LAMC3: variants seen among roughly 807,000 people sequenced by gnomAD.
LAMC3 encodes the protein laminin subunit gamma 3.
In LAMC3, 128 loss-of-function variants were observed where a neutral mutation model predicts 173.8. The ratio of observed to expected loss-of-function variants is 0.74; its 90% CI spans 0.64 to 0.85. The LOEUF (loss-of-function observed/expected upper bound fraction) is 0.85, where lower values mean the gene tolerates loss of function less well. LAMC3 is among the 40% of genes least tolerant of loss of function. The pLI, the probability that LAMC3 is intolerant of heterozygous loss-of-function variation, is 0.00. For synonymous variants in LAMC3, 897 were observed against 909.1 expected (o/e 0.99, Z 0.24); for missense variants, 2,022 against 2,156.0 (o/e 0.94, Z 1.23).
chr9:131,077,979 T>C (rs929933328), intron 22 of LAMC3, among the ~76,000 whole-genome samples: 1 of 152,138 alleles, frequency 6.6e-6, no homozygotes, highest in Non-Finnish European at 1.5e-5. Flanking sequence ...GGCCAAGGAC[T>C]TTCCCTTCCT....
At chr9:131,067,564 C>T (rs1186706416) in intron 14 of LAMC3, among the ~76,000 whole-genome samples, 4 of 152,216 alleles carry the variant, frequency 2.6e-5, no homozygotes, top group African/African-American at 9.6e-5. Context: ...ACACTCAGCC[C>T]CTGGGAGGCT....
chr9:131,009,274 G>A lies in LAMC3; in HGVS notation c.60G>A (p.Ala20=). The change falls in exon 1 of 28, where the codon GCG becomes GCA. Residue 20 remains alanine (A), a synonymous_variant. Transcript: ENST00000361069. The surrounding 1 kb of genome is among the most constrained non-coding windows in gnomAD (Gnocchi z 4.3). The part of the protein sequence containing the change: ...LALLAPRAAG[A]GMGACYDGAG... ...TGCTGGCACCGCGGGCGGCCGGCGC[G>A]GGCATGGGCGCGTGCTATGACGGCG... 7.5e-7 allele frequency: 1 copy of A among 1,336,126 alleles called. No homozygotes were observed. The highest frequency in any genetic ancestry group is 9.5e-7 in the Non-Finnish European group (1 of 1,049,006). The allele number at this position is 1,336,126 out of a possible 1,614,324, so 82.8% of individuals were successfully genotyped here.
intron 13 of LAMC3, among the ~76,000 whole-genome samples, chr9:131,065,700 CCACTGCCTG>C (rs1829920047): frequency 6.6e-6 from 1 of 152,162 alleles, no homozygotes; most frequent in East Asian, 1.9e-4. Flanking sequence ...CCGTGTCTGG[CCACTGCCTG>C]CACTGGCTAC....
chr9:131,061,739 A>C (rs1829829953), intron 13 of LAMC3, among the ~76,000 whole-genome samples: 1 of 152,152 alleles, frequency 6.6e-6, no homozygotes, highest in African/African-American at 2.4e-5. Flanking sequence ...CATATACCTG[A>C]CAGTTCACCC....
At position 131,029,073 on chromosome 9, in the gene LAMC3, G is replaced by A. The variant is rs116142345; in HGVS notation, c.678+2484G>A. Among the ~76,000 whole-genome samples, 1 of 152,176 alleles carries A rather than the reference G, an allele frequency of 6.6e-6. No individual in the cohort carries two copies. The highest frequency in any genetic ancestry group is 2.4e-5 in the African/African-American group (1 of 41,448). ...GTGAAGCCGATTCTGTGTGGCCCGA[G>A]GCCCCCACCGCAAATCACATCATCC... On this transcript the variant is annotated intron_variant, in intron 2 of 27. Transcript: ENST00000361069. The surrounding 1 kb of genome is among the most constrained non-coding windows in gnomAD (Gnocchi z 4.6).
chr9:131,075,142 C>A (rs1366072059), intron 20 of LAMC3, among the ~76,000 whole-genome samples: 1 of 152,134 alleles, frequency 6.6e-6, no homozygotes, highest in African/African-American at 2.4e-5. Context: ...GTGGCACACA[C>A]CTGTAGTCCT....
chr9:131,027,413 G>T (rs1833741784), intron 2 of LAMC3, among the ~76,000 whole-genome samples: 1 of 152,126 alleles, frequency 6.6e-6, no homozygotes, highest in African/African-American at 2.4e-5. Flanking sequence ...TATGAAAATG[G>T]CAAAATGTGA....
chr9:131,082,257 A>G, intron 24 of LAMC3, 96 bp downstream of exon 24: 1 of 884,720 alleles, frequency 1.1e-6, no homozygotes, highest in Middle Eastern at 2.1e-4. Flanking sequence ...TGCAGAGGAC[A>G]GGAGTCTGGT....
intron 14 of LAMC3, 125 bp downstream of exon 14, chr9:131,067,330 T>G: frequency 8.2e-7 from 1 of 1,225,630 alleles, no homozygotes; most frequent in Non-Finnish European, 1.2e-6. Context: ...TGCAAGGCTG[T>G]CCAGCCTCAG....
At chr9:131,055,481 G>A (rs1297525725) in intron 11 of LAMC3, among the ~76,000 whole-genome samples, 6 of 135,654 alleles carry the variant, frequency 4.4e-5, no homozygotes, top group Non-Finnish European at 9.2e-5. Flanking sequence ...CTGGAGTGCA[G>A]TGGCATGATC....
At position 131,068,057 on chromosome 9, in the gene LAMC3, C is replaced by G. The variant is rs199723897; in HGVS notation, c.2594-21C>G. On this transcript the variant is annotated intron_variant, in intron 14 of 27. Transcript: ENST00000361069. ...GACAATCTGCATTGTTCCCAACACC[C>G]CTTCCTGCTCCTGCCCCCAGCTTGC... is the stretch of plus-strand genomic sequence containing the variant. 3.9e-4 allele frequency: 622 copies of G among 1,606,968 alleles called. 8 individuals carry two copies. The South Asian group carries it at 6.5e-3, about 17-fold the overall frequency.
Position 131,009,289 on chromosome 9 carries a change from C to G in LAMC3, c.75C>G (p.Cys25Trp). 1.4e-6 allele frequency: 2 copies of G among 1,418,086 alleles called. No individual in the cohort carries two copies. Among genetic ancestry groups the G allele is most frequent in the South Asian group, 2.9e-5 (2 of 69,122 alleles). The allele number at this position is 1,418,086 out of a possible 1,614,324, so 87.8% of individuals were successfully genotyped here. Residue 25 changes from cysteine to tryptophan, a missense_variant, in exon 1 of 28, where the codon TGC (cysteine) becomes TGG (tryptophan). Coordinates refer to ENST00000361069, the MANE Select transcript of LAMC3 (RefSeq NM_006059.4). The surrounding 1 kb of genome is among the most constrained non-coding windows in gnomAD (Gnocchi z 4.3). The part of the protein sequence containing the change: ...PRAAGAGMGA[C>W]YDGAGRPQRC... ...CGGCCGGCGCGGGCATGGGCGCGTG[C>G]TATGACGGCGCAGGGCGCCCGCAGC...
intron 1 of LAMC3, among the ~76,000 whole-genome samples, chr9:131,014,337 G>A (rs1251577259): frequency 1.3e-5 from 2 of 152,202 alleles, no homozygotes; most frequent in African/African-American, 2.4e-5. Flanking sequence ...CTCATGTCTT[G>A]TTCATCCACA....
chr9:131,032,537 TCTCTCTCTTG>T (rs902490862), intron 3 of LAMC3, among the ~76,000 whole-genome samples: 4,367 of 141,736 alleles, frequency 0.031, 202 homozygotes, highest in African/African-American at 0.12. Flanking sequence ...TCTCGCTGTC[TCTCTCTCTTG>T]CTCTCTCTCG....
In LAMC3 at chr9:131,073,316, C is replaced by A. The variant is rs200253736; in HGVS notation, c.3489C>A (p.Ala1163=). ...SHLATEARAL[A]RSHRDTATKI... ...TGGCCACAGAGGCCCGTGCCCTCGC[C>A]AGGAGGTGAGTCCCAAGACATGGTG... Residue 1163 remains alanine, a synonymous_variant, in exon 20 of 28, where the codon GCC becomes GCA. Coordinates refer to ENST00000361069, the MANE Select transcript of LAMC3 (RefSeq NM_006059.4). The A allele has an allele frequency of 2.8e-4, 444 of 1,613,228 alleles. 2 individuals are homozygous for A. Among genetic ancestry groups the A allele is most frequent in the Admixed American group, 2.2e-3 (132 of 59,992 alleles).
chr9:131,077,042 G>A (rs1830140485), intron 21 of LAMC3, 145 bp from the exon 22 acceptor site: 1 of 1,040,652 alleles, frequency 9.6e-7, no homozygotes. Flanking sequence ...CACTTTCCGA[G>A]GCAGCTGTAC....
chr9:131,048,896 C>A, intron 8 of LAMC3, 124 bp from the exon 9 acceptor site: 1 of 619,020 alleles, frequency 1.6e-6, no homozygotes, highest in Admixed American at 3.0e-5. Flanking sequence ...AGATCCGGGT[C>A]CCTGAGCTTT....
At chr9:131,058,011 A>G (rs570432252) in intron 12 of LAMC3, among the ~76,000 whole-genome samples, 2 of 152,216 alleles carry the variant, frequency 1.3e-5, no homozygotes, top group African/African-American at 4.8e-5. Context: ...GTGCAGATGC[A>G]TGGCCAGCAG....
At chr9:131,011,362 G>A (rs1234036397) in intron 1 of LAMC3, among the ~76,000 whole-genome samples, 3 of 152,218 alleles carry the variant, frequency 2.0e-5, no homozygotes, top group Non-Finnish European at 4.4e-5. Context: ...GCTGCTAAGT[G>A]AGCATCTGAG....
Sources: gnomAD v4.1 joint callset for allele counts (sites outside exome capture counted in the v4.1 genomes callset) on GRCh38, gnomAD v4.1.1 for gene constraint, Gnocchi (gnomAD v3.1) non-coding constraint, MANE v1.5 for transcripts, NCBI Gene and HGNC (gene_info 2026-07-23, HGNC 2026-07-21) for gene names.